Variants in ANKRD11 observed in about 807,000 individuals in gnomAD.
ANKRD11 encodes ankyrin repeat domain 11.
ANKRD11 carries 17 observed loss-of-function variants against 195.7 expected under a neutral mutation model. That is an observed-to-expected ratio of 0.09 (90% CI 0.06 to 0.13). ANKRD11 has a LOEUF of 0.13. Among genes scored for constraint, ANKRD11 ranks in the 10% least tolerant of loss-of-function variants. The probability of loss-of-function intolerance (pLI) is 1.00; values close to 1 mark genes in which losing one functional copy is unlikely to be tolerated. For missense variants in ANKRD11, 3,735 were observed against 3,566.1 expected (o/e 1.05, Z -1.21); for synonymous variants, 1,953 against 1,528.1 (o/e 1.28, Z -6.49).
At chr16:89,489,528 C>A (rs2057739084) in intron 1 of ANKRD11, among the ~76,000 whole-genome samples, 1 of 151,474 alleles carries the variant, frequency 6.6e-6, no homozygotes, top group Non-Finnish European at 1.5e-5. Context: ...CCTCCCCCTC[C>A]GGCTCGGAGC....
chr16:89,281,015 ACTT>A lies in ANKRD11; in HGVS notation c.5524_5526del (p.Lys1842del). 6.3e-7 allele frequency: 1 copy of A among 1,587,848 alleles called. No homozygotes were observed. The highest frequency in any genetic ancestry group is 1.1e-5 in the South Asian group (1 of 87,612). On this transcript the variant is annotated inframe_deletion, in exon 9 of 13. Transcript: ENST00000301030. The surrounding 1 kb of genome is among the most constrained non-coding windows in gnomAD (Gnocchi z 5.5). ...TAGTACCCTGGCGACAAGCAGGCAA[ACTT>A]CTCCGCGGGAACCGGGGGCAGGGGC...
At chr16:89,385,483 C>T (rs558854908) in intron 2 of ANKRD11, among the ~76,000 whole-genome samples, 2 of 152,088 alleles carry the variant, frequency 1.3e-5, no homozygotes, top group African/African-American at 4.8e-5. Flanking sequence ...AAGCCAGCAC[C>T]GGGCAGAGGG....
intron 2 of ANKRD11, among the ~76,000 whole-genome samples, chr16:89,404,556 G>C (rs2041831848): frequency 6.6e-6 from 1 of 152,242 alleles, no homozygotes; most frequent in Non-Finnish European, 1.5e-5. Context: ...AGGAAAAGCT[G>C]CTTTTGAAAA....
intron 4 of ANKRD11, chr16:89,301,774 T>G (rs565329773): frequency 2.5e-6 from 1 of 396,590 alleles, no homozygotes; most frequent in Non-Finnish European, 4.4e-6. Flanking sequence ...CAGAATCACA[T>G]TGTTCTTGGC....
In ANKRD11 at chr16:89,439,932, C is replaced by T. The variant is rs114258941; in HGVS notation, c.-144-21564G>A. 7.8e-4 allele frequency among the ~76,000 whole-genome samples: 119 copies of T among 152,366 alleles called. 1 individual carries two copies. The highest frequency in any genetic ancestry group is 2.7e-3 in the African/African-American group (113 of 41,590). ...TCAAAGACTCCAGCTCTACTGCACA[C>T]ACCCACAGCAGGAGAGGCCTGTGTC... On this transcript the variant is annotated intron_variant, in intron 1 of 12. Transcript: ENST00000301030.
At chr16:89,387,396 GGC>G (rs2040962265) in intron 2 of ANKRD11, among the ~76,000 whole-genome samples, 1 of 152,130 alleles carries the variant, frequency 6.6e-6, no homozygotes, top group Non-Finnish European at 1.5e-5. Flanking sequence ...GCTTGGGCCG[GGC>G]GCGGTGGCTC....
rs539408966 is a variant in ANKRD11 at position 89,472,016 on chromosome 16, G to A, written c.-145+18229C>T. Among the ~76,000 whole-genome samples the A allele has an allele frequency of 3.7e-4, 56 of 152,158 alleles. 1 individual carries two copies. The Middle Eastern group carries it at 0.01, about 28-fold the overall frequency. On this transcript the variant is annotated intron_variant, in intron 1 of 12. Coordinates refer to ENST00000301030, the MANE Select transcript of ANKRD11 (RefSeq NM_013275.6). Reference sequence around the variant, plus strand: ...CACATCTCCTAGAATAAAATGGGAAGCTGTTGTACCCATCCTTGACCCTCA... The same window carrying A: ...CACATCTCCTAGAATAAAATGGGAAACTGTTGTACCCATCCTTGACCCTCA...
In ANKRD11 at chr16:89,305,304, T is replaced by C. The variant is rs2036120255; in HGVS notation, c.128A>G (p.Glu43Gly). ...KVSLTKTPKL[E>G]RGDGGKEVRE... ...CACCTCCTTCCCGCCATCGCCACGC[T>C]CCAGTTTTGGGGTCTTGGTTAGAGA... is the stretch of plus-strand genomic sequence containing the variant. The change falls in exon 4 of 13, where the codon GAG becomes GGG. Residue 43 changes from glutamate to glycine, a missense_variant. Coordinates refer to ENST00000301030, the MANE Select transcript of ANKRD11 (RefSeq NM_013275.6). 3.1e-6 allele frequency: 5 copies of C among 1,613,970 alleles called. No individual in the cohort carries two copies. Among genetic ancestry groups the C allele is most frequent in the Non-Finnish European group, 3.4e-6 (4 of 1,179,896 alleles).
intron 2 of ANKRD11, among the ~76,000 whole-genome samples, chr16:89,333,970 G>C (rs114978967): frequency 2.6e-5 from 4 of 151,838 alleles, no homozygotes; most frequent in East Asian, 1.9e-4. Context: ...AACTGGTTAA[G>C]AGCCCTCAAT....
intron 2 of ANKRD11, among the ~76,000 whole-genome samples, chr16:89,388,726 A>C (rs959731359): frequency 6.6e-6 from 1 of 152,174 alleles, no homozygotes; most frequent in African/African-American, 2.4e-5. Context: ...AAGAGCCGGC[A>C]GGTCCCGGGC....
chr16:89,324,533 T>C (rs769650495), intron 2 of ANKRD11: 18 of 455,990 alleles, frequency 3.9e-5, no homozygotes, highest in East Asian at 2.1e-4. Flanking sequence ...GAGATTCACA[T>C]TGAGTCAGTG....
intron 1 of ANKRD11, among the ~76,000 whole-genome samples, chr16:89,418,933 G>A (rs1346681493): frequency 6.6e-6 from 1 of 151,720 alleles, no homozygotes; most frequent in African/African-American, 2.4e-5. Context: ...CCCACCCCCG[G>A]CTGATCTGGA....
At chr16:89,300,653 G>C (rs1004946380) in intron 4 of ANKRD11, 8 of 509,108 alleles carry the variant, frequency 1.6e-5, no homozygotes, top group Non-Finnish European at 2.8e-5. Flanking sequence ...GAATGGGGAA[G>C]CAGGAGCCGT....
chr16:89,308,894 G>A (rs1234215117), intron 3 of ANKRD11, among the ~76,000 whole-genome samples: 2 of 152,168 alleles, frequency 1.3e-5, no homozygotes, highest in Non-Finnish European at 2.9e-5. Context: ...AAACACAGGA[G>A]GTGCGCGCAG....
chr16:89,459,984 C>T (rs968204064), intron 1 of ANKRD11, among the ~76,000 whole-genome samples: 1 of 151,654 alleles, frequency 6.6e-6, no homozygotes, highest in Non-Finnish European at 1.5e-5. Context: ...ACCTGTAATC[C>T]CAGCACTTTG....
At chr16:89,420,932 G>A (rs1022603451) in intron 1 of ANKRD11, among the ~76,000 whole-genome samples, 7 of 152,252 alleles carry the variant, frequency 4.6e-5, no homozygotes, top group Non-Finnish European at 5.9e-5. Context: ...AACAAGCTAT[G>A]TTGTCAAACA....
chr16:89,329,609 A>G (rs572080281), intron 2 of ANKRD11, among the ~76,000 whole-genome samples: 13 of 129,518 alleles, frequency 1.0e-4, no homozygotes, highest in Admixed American at 9.8e-4. Flanking sequence ...TTTAATTCCC[A>G]TAGAAAGAAG....
At chr16:89,277,057 A>AC (rs1379873977) in intron 9 of ANKRD11, among the ~76,000 whole-genome samples, 1 of 149,748 alleles carries the variant, frequency 6.7e-6, no homozygotes, top group African/African-American at 2.5e-5. Context: ...CTCTGTCTTA[A>AC]AAAAAAAAAA....
chr16:89,317,565 G>A (rs933011167), intron 2 of ANKRD11, among the ~76,000 whole-genome samples: 4 of 152,096 alleles, frequency 2.6e-5, no homozygotes, highest in Non-Finnish European at 4.4e-5. Context: ...AGGAGCTCCT[G>A]TCCCCACCAG....
Sources: gnomAD v4.1 joint callset for allele counts (sites outside exome capture counted in the v4.1 genomes callset) on GRCh38, gnomAD v4.1.1 for gene constraint, Gnocchi (gnomAD v3.1) non-coding constraint, MANE v1.5 for transcripts, NCBI Gene and HGNC (gene_info 2026-07-23, HGNC 2026-07-21) for gene names.